Variants in GRIN2B observed in about 807,000 individuals in gnomAD.
The protein encoded by GRIN2B is glutamate ionotropic receptor NMDA type subunit 2B.
Under a neutral mutation model 114.5 loss-of-function variants are expected in GRIN2B, and 5 were observed. The observed-to-expected ratio is 0.04, with a 90% CI of 0.02 to 0.09. The LOEUF (loss-of-function observed/expected upper bound fraction) is 0.09. Ranked by LOEUF, GRIN2B falls within the 10% of genes least tolerant of loss-of-function variation. The pLI is 1.00. For missense variants in GRIN2B, 1,108 were observed against 1,943.5 expected, an observed-to-expected ratio of 0.57 and a Z score of 8.08; for synonymous variants, 787 against 745.1, an observed-to-expected ratio of 1.06 and a Z score of -0.92.
At chr12:13,795,630 T>A (rs929996082) in intron 3 of GRIN2B, among the ~76,000 whole-genome samples, 1 of 152,222 alleles carries the variant, frequency 6.6e-6, no homozygotes, top group Non-Finnish European at 1.5e-5. Context: ...GACACGTGCA[T>A]ATGTATGTTT....
rs1948511841 is a variant in GRIN2B, at chr12:13,559,411, A to G, written c.*3372T>C. On this transcript the variant is annotated 3_prime_UTR_variant, in exon 14 of 14. Coordinates refer to ENST00000609686, the MANE Select transcript of GRIN2B (RefSeq NM_000834.5). The stretch of plus-strand genomic sequence containing the variant: ...GAGGCTGCCAACCTCCACAAAGCCA[A>G]CAGTCTAGGAAAAGAAGTTCTATTT... The G allele has an allele frequency of 6.6e-6, 1 of 152,240 alleles. No individual in the cohort carries two copies. Among genetic ancestry groups the G allele is most frequent in the Non-Finnish European group, 1.5e-5 (1 of 68,038 alleles). 9.4% of individuals were successfully genotyped at this position (152,240 alleles called of 1,614,324 possible).
chr12:13,843,032 TA>T (rs1865409315), intron 3 of GRIN2B, among the ~76,000 whole-genome samples: 2 of 143,934 alleles, frequency 1.4e-5, no homozygotes, highest in African/African-American at 2.5e-5. Context: ...TTTTATTATT[TA>T]TTTATTTATT....
intron 3 of GRIN2B, among the ~76,000 whole-genome samples, chr12:13,755,176 A>G (rs1565525693): frequency 6.6e-6 from 1 of 152,228 alleles, no homozygotes; most frequent in African/African-American, 2.4e-5. Flanking sequence ...TACAGTTACA[A>G]GAGACCTGGG....
chr12:13,777,305 G>T (rs1218086111), intron 3 of GRIN2B, among the ~76,000 whole-genome samples: 1 of 152,130 alleles, frequency 6.6e-6, no homozygotes, highest in Non-Finnish European at 1.5e-5. Context: ...TTTTGCTCAA[G>T]AGTGATCACC....
At chr12:13,842,794 A>T (rs1865399577) in intron 3 of GRIN2B, among the ~76,000 whole-genome samples, 1 of 152,132 alleles carries the variant, frequency 6.6e-6, no homozygotes, top group African/African-American at 2.4e-5. Context: ...AATTAGGAGA[A>T]TTATAACGAG....
intron 3 of GRIN2B, among the ~76,000 whole-genome samples, chr12:13,823,274 T>G (rs1864971074): frequency 1.3e-5 from 2 of 152,072 alleles, no homozygotes; most frequent in East Asian, 1.9e-4. Flanking sequence ...GTTGAAATCT[T>G]AAAATACTGA....
At chr12:13,980,604 AGAG>A (rs1423732242) in intron 1 of GRIN2B, among the ~76,000 whole-genome samples, 2 of 151,916 alleles carry the variant, frequency 1.3e-5, no homozygotes, top group African/African-American at 4.8e-5. Flanking sequence ...CCTGAATGGA[AGAG>A]GAGAGAGGGA....
In GRIN2B at chr12:13,629,852, C is replaced by G. The variant is rs188960938; in HGVS notation, c.1126-13195G>C. ...TAAACCCCTGGTCTTCTGAATGACA[C>G]AGCTCTTCCCTTAGGATTCGGCTCA... On this transcript the variant is annotated intron_variant, in intron 5 of 13. Transcript: ENST00000609686. Among the ~76,000 whole-genome samples the G allele has an allele frequency of 2.0e-5, 3 of 152,194 alleles. No individual in the cohort carries two copies. In the East Asian group the frequency reaches 5.8e-4, roughly 29 times the overall value.
intron 4 of GRIN2B, among the ~76,000 whole-genome samples, chr12:13,691,869 C>T (rs1201277432): frequency 6.6e-6 from 1 of 152,126 alleles, no homozygotes; most frequent in Non-Finnish European, 1.5e-5. Context: ...AAAGAGAAGA[C>T]AAGCACTCAG....
At chr12:13,871,541 T>C in intron 2 of GRIN2B, among the ~76,000 whole-genome samples, 1 of 151,820 alleles carries the variant, frequency 6.6e-6, no homozygotes, top group Non-Finnish European at 1.5e-5. Flanking sequence ...TTAAATACAT[T>C]TATAAGAAAC....
intron 12 of GRIN2B, among the ~76,000 whole-genome samples, chr12:13,569,169 A>C (rs951823313): frequency 6.6e-6 from 1 of 152,114 alleles, no homozygotes. Context: ...CTCCTTGACA[A>C]ACTGCTTCAA....
At chr12:13,923,182 G>A (rs1018590928) in intron 2 of GRIN2B, among the ~76,000 whole-genome samples, 2 of 152,030 alleles carry the variant, frequency 1.3e-5, no homozygotes, top group African/African-American at 4.8e-5. Context: ...TCTAGGGTAT[G>A]CATTCTGTTT....
chr12:13,602,872 A>G (rs1949180825), intron 10 of GRIN2B, among the ~76,000 whole-genome samples: 1 of 152,180 alleles, frequency 6.6e-6, no homozygotes, highest in African/African-American at 2.4e-5. Flanking sequence ...CCTTGAGGAG[A>G]AGAGCTGCAA....
At chr12:13,738,439 T>C (rs1863222164) in intron 4 of GRIN2B, among the ~76,000 whole-genome samples, 1 of 152,214 alleles carries the variant, frequency 6.6e-6, no homozygotes, top group African/African-American at 2.4e-5. Context: ...TTGATGCTCA[T>C]GTTGCCAGTT....
intron 5 of GRIN2B, among the ~76,000 whole-genome samples, chr12:13,620,844 A>G (rs1949503380): frequency 6.6e-6 from 1 of 151,528 alleles, no homozygotes; most frequent in Admixed American, 6.6e-5. Context: ...TCTACAAAAT[A>G]CGAGCTTGCC....
chr12:13,586,215 C>T (rs1160228733), intron 10 of GRIN2B, among the ~76,000 whole-genome samples: 1 of 152,140 alleles, frequency 6.6e-6, no homozygotes, highest in Non-Finnish European at 1.5e-5. Flanking sequence ...AAATGATATA[C>T]AGAAATTAAG....
At chr12:13,702,232 A>G (rs901601752) in intron 4 of GRIN2B, among the ~76,000 whole-genome samples, 1 of 152,200 alleles carries the variant, frequency 6.6e-6, no homozygotes, top group Admixed American at 6.5e-5. Context: ...TAATTGTGAA[A>G]ATATTCATAA....
intron 2 of GRIN2B, among the ~76,000 whole-genome samples, chr12:13,978,588 G>A (rs1267296793): frequency 6.6e-6 from 1 of 152,032 alleles, no homozygotes; most frequent in Admixed American, 6.5e-5. Flanking sequence ...GTTTTAAAAT[G>A]CCAGAAAAAA....
chr12:13,671,964 TAGAC>T (rs1031428922), intron 5 of GRIN2B, among the ~76,000 whole-genome samples: 9 of 152,074 alleles, frequency 5.9e-5, no homozygotes, highest in African/African-American at 2.2e-4. Context: ...AATCTACTGT[TAGAC>T]AGTGTGACGG....
Sources: allele counts gnomAD v4.1 joint callset (sites outside exome capture counted in the v4.1 genomes callset), GRCh38; gene constraint gnomAD v4.1.1; transcripts MANE v1.5; gene names NCBI Gene and HGNC (gene_info 2026-07-23, HGNC 2026-07-21).